The following IDE variants were observed in gnomAD, a reference collection of about 807,000 sequenced individuals.
IDE encodes the protein insulin degrading enzyme, also known as insulin-degrading enzyme.
IDE carries 58 observed loss-of-function variants against 133.2 expected under a neutral mutation model. That is an observed-to-expected ratio of 0.44 (90% CI 0.35 to 0.54). IDE has a LOEUF of 0.54. Ranked by LOEUF, IDE falls within the 20% of genes least tolerant of loss-of-function variation. IDE has a pLI of 0.00. For synonymous variants in IDE, 396 were observed against 421.3 expected (o/e 0.94, Z 0.73); for missense variants, 981 against 1,234.0 (o/e 0.79, Z 3.07).
rs1450471314 is a variant in IDE, at chr10:92,531,473, T to C, written c.661+275A>G. 2.0e-5 allele frequency among the ~76,000 whole-genome samples: 3 copies of C among 152,218 alleles called. 1 individual carries two copies. ...GAAGGTAGGCTTTGGAATAAAAGAA[T>C]CTATTATCTTCTCCATATGGAATGC... On this transcript the variant is annotated intron_variant, in intron 4 of 24. Transcript: ENST00000265986.
At chr10:92,466,048 T>C (rs946676383) in intron 19 of IDE, among the ~76,000 whole-genome samples, 11 of 151,940 alleles carry the variant, frequency 7.2e-5, no homozygotes. Context: ...TAATTATAAA[T>C]TGGCAGCACT....
intron 15 of IDE, among the ~76,000 whole-genome samples, chr10:92,476,236 C>G (rs551505920): frequency 6.6e-6 from 1 of 151,026 alleles, no homozygotes; most frequent in African/African-American, 2.4e-5. Context: ...TGCAACGGCA[C>G]GATTTCAGTT....
intron 4 of IDE, among the ~76,000 whole-genome samples, chr10:92,522,263 A>G (rs1849267454): frequency 6.6e-6 from 1 of 152,104 alleles, no homozygotes; most frequent in Non-Finnish European, 1.5e-5. Flanking sequence ...CTACTTCTCT[A>G]TGCAAAAGCA....
At chr10:92,545,598 G>A (rs1236141628) in intron 1 of IDE, among the ~76,000 whole-genome samples, 1 of 152,174 alleles carries the variant, frequency 6.6e-6, no homozygotes, top group African/African-American at 2.4e-5. Context: ...TCTGAGTGCA[G>A]ACTGAAGATC....
At chr10:92,488,857 C>G (rs183760726) in intron 12 of IDE, among the ~76,000 whole-genome samples, 270 of 142,450 alleles carry the variant, frequency 1.9e-3, no homozygotes, top group African/African-American at 6.9e-3. Flanking sequence ...GTTTCCTGTT[C>G]TAGTTCCAAA....
At chr10:92,497,870 A>G (rs895110979) in intron 11 of IDE, 2 of 174,732 alleles carry the variant, frequency 1.1e-5, no homozygotes, top group Non-Finnish European at 1.1e-5. Context: ...GAAATATGCA[A>G]TTTCAAAAGT....
At chr10:92,558,295 C>G (rs1232751181) in intron 1 of IDE, among the ~76,000 whole-genome samples, 2 of 152,168 alleles carry the variant, frequency 1.3e-5, no homozygotes, top group African/African-American at 4.8e-5. Flanking sequence ...CTCAGGTGAT[C>G]CGCCCACCTC....
intron 11 of IDE, among the ~76,000 whole-genome samples, chr10:92,498,923 T>A (rs1253751028): frequency 6.6e-6 from 1 of 152,176 alleles, no homozygotes; most frequent in Non-Finnish European, 1.5e-5. Context: ...GAGGTTTTAT[T>A]TGTAGAAGGT....
At chr10:92,473,332 A>C (rs568335345) in intron 17 of IDE, among the ~76,000 whole-genome samples, 2 of 152,200 alleles carry the variant, frequency 1.3e-5, no homozygotes, top group South Asian at 4.2e-4. Context: ...AAACAATAAT[A>C]AAGGGTGATA....
intron 1 of IDE, among the ~76,000 whole-genome samples, chr10:92,560,715 G>A (rs1301670851): frequency 2.6e-5 from 4 of 151,862 alleles, no homozygotes; most frequent in African/African-American, 7.3e-5. Flanking sequence ...CCCAGGAGGC[G>A]GAGGTTGCAG....
At chr10:92,515,465 T>C (rs1301794889) in intron 4 of IDE, among the ~76,000 whole-genome samples, 1 of 151,618 alleles carries the variant, frequency 6.6e-6, no homozygotes, top group African/African-American at 2.4e-5. Flanking sequence ...TTCACTGTGT[T>C]AGCCAGGCTG....
At chr10:92,455,293 T>C (rs530427685) in intron 24 of IDE, among the ~76,000 whole-genome samples, 2 of 152,212 alleles carry the variant, frequency 1.3e-5, no homozygotes, top group African/African-American at 2.4e-5. Context: ...CTGGCCAACA[T>C]GGTGAAACCC....
At chr10:92,570,410 T>C (rs1305148217) in intron 1 of IDE, among the ~76,000 whole-genome samples, 1 of 152,096 alleles carries the variant, frequency 6.6e-6, no homozygotes, top group Non-Finnish European at 1.5e-5. Flanking sequence ...GAGTAGACAT[T>C]CAAATAATGT....
At chr10:92,508,439 C>T (rs570088553) in intron 7 of IDE, among the ~76,000 whole-genome samples, 2 of 150,682 alleles carry the variant, frequency 1.3e-5, no homozygotes, top group South Asian at 2.2e-4. Flanking sequence ...ACTGGCTGGG[C>T]GCGGTGGCTC....
Position 92,454,302 on chromosome 10 carries a change from T to C in IDE, c.*142A>G. On this transcript the variant is annotated 3_prime_UTR_variant, in exon 25 of 25. Coordinates refer to ENST00000265986, the MANE Select transcript of IDE (RefSeq NM_004969.4). ...GTAATTTACTTTGGATTTATAATAT[T>C]TCTACATAATGACATTTGACAATTT... 1 of 596,440 alleles carries C rather than the reference T, an allele frequency of 1.7e-6. No homozygotes were observed. Among genetic ancestry groups the C allele is most frequent in the Non-Finnish European group, 3.0e-6 (1 of 328,802 alleles). 36.9% of individuals were successfully genotyped at this position (596,440 alleles called of 1,614,324 possible).
At position 92,508,951 on chromosome 10, in the gene IDE, A is replaced by G. The variant is rs1288217767; in HGVS notation, c.898-61T>C. ...GACTCCTACTGAAGAAAATATTTCTAAACTATGAAGAATGATTTTCATGGG... is the reference window on the plus strand; with the variant it reads ...GACTCCTACTGAAGAAAATATTTCTGAACTATGAAGAATGATTTTCATGGG... On this transcript the variant is annotated intron_variant, in intron 6 of 24. Coordinates refer to ENST00000265986, the MANE Select transcript of IDE (RefSeq NM_004969.4). The G allele has an allele frequency of 3.1e-5, 41 of 1,339,076 alleles. No homozygotes were observed. The Admixed American group carries it at 5.5e-4, about 18-fold the overall frequency. The allele number at this position is 1,339,076 out of a possible 1,614,324, so 82.9% of individuals were successfully genotyped here. A position where few individuals can be genotyped will look rare whatever the true frequency, so the allele number is the denominator to read the frequency against.
At position 92,461,230 on chromosome 10, in the gene IDE, T is replaced by TA; in HGVS notation, c.2783dup (p.Leu928PhefsTer26). The TA allele has an allele frequency of 1.4e-6, 2 of 1,458,210 alleles. No homozygotes were observed. Among genetic ancestry groups the TA allele is most frequent in the Non-Finnish European group, 1.9e-6 (2 of 1,039,052 alleles). The allele number at this position is 1,458,210 out of a possible 1,614,324, so 90.3% of individuals were successfully genotyped here. Reference sequence around the variant, plus strand: ...TGATATCTTCCTTGGTAAGTGTCTTTAAATATGCAACCTCAGTGTTATCTG... The same window carrying TA: ...TGATATCTTCCTTGGTAAGTGTCTTTAAAATATGCAACCTCAGTGTTATCTG... On this transcript the variant is annotated frameshift_variant, in exon 22 of 25. Transcript: ENST00000265986. LOFTEE classifies it high-confidence loss of function.
chr10:92,510,746 CACAT>C, intron 5 of IDE, among the ~76,000 whole-genome samples: 1 of 148,118 alleles, frequency 6.8e-6, no homozygotes, highest in Non-Finnish European at 1.5e-5. Flanking sequence ...TGAAATATAG[CACAT>C]ACATCTCACA....
Position 92,476,007 on chromosome 10 carries a change from T to A in IDE, c.1885-13A>T, listed in dbSNP as rs72809183. 8.0e-3 allele frequency: 9,166 copies of A among 1,149,658 alleles called. 91 individuals are homozygous for A. The highest frequency in any genetic ancestry group is 0.07 in the Middle Eastern group (362 of 5,166). The allele number at this position is 1,149,658 out of a possible 1,614,324, so 71.2% of individuals were successfully genotyped here. A position where few individuals can be genotyped will look rare whatever the true frequency, so the allele number is the denominator to read the frequency against. ...CTTTCACTGAAAGCTACAGAAAGAA[T>A]TCAGGGTATTAAAAGTCTAAAAATA... On this transcript the variant is annotated splice_polypyrimidine_tract_variant and intron_variant, in intron 15 of 24. Coordinates refer to ENST00000265986, the MANE Select transcript of IDE (RefSeq NM_004969.4).
Sources: gnomAD v4.1 joint callset for allele counts (sites outside exome capture counted in the v4.1 genomes callset) on GRCh38, gnomAD v4.1.1 for gene constraint, MANE v1.5 for transcripts, NCBI Gene and HGNC (gene_info 2026-07-23, HGNC 2026-07-21) for gene names.